Variants in USP34 observed in about 807,000 individuals in gnomAD.
The protein encoded by USP34 is ubiquitin specific peptidase 34.
Under a neutral mutation model 460.3 loss-of-function variants are expected in USP34, and 70 were observed. The ratio of observed to expected loss-of-function variants is 0.15; its 90% CI spans 0.13 to 0.19. The LOEUF (loss-of-function observed/expected upper bound fraction) is 0.19, where lower values mean the gene tolerates loss of function less well. Ranked by LOEUF, USP34 falls within the 10% of genes least tolerant of loss-of-function variation. The pLI is 1.00. For missense variants in USP34, 3,985 were observed against 4,236.2 expected (o/e 0.94, Z 1.65); for synonymous variants, 1,647 against 1,405.3 (o/e 1.17, Z -3.85).
chr2:61,308,044 G>C (rs1002904845), intron 27 of USP34, among the ~76,000 whole-genome samples: 2 of 151,738 alleles, frequency 1.3e-5, no homozygotes, highest in Admixed American at 1.3e-4. Context: ...GTGAGACCCT[G>C]TCTCAAAAAA....
At chr2:61,331,169 C>G (rs1691249375) in intron 20 of USP34, 107 bp downstream of exon 20, 2 of 920,902 alleles carry the variant, frequency 2.2e-6, no homozygotes, top group East Asian at 2.8e-5. Context: ...ATAAAGTTTT[C>G]TGTTACAATT....
At chr2:61,396,527 C>T (rs868663377) in intron 3 of USP34, among the ~76,000 whole-genome samples, 45 of 151,032 alleles carry the variant, frequency 3.0e-4, no homozygotes, top group African/African-American at 1.0e-3. Context: ...CTCGCACTGT[C>T]GCTCAGGCTG....
chr2:61,438,790 C>A (rs1344790212), intron 1 of USP34, among the ~76,000 whole-genome samples: 1 of 152,160 alleles, frequency 6.6e-6, no homozygotes, highest in Non-Finnish European at 1.5e-5. Context: ...ACTGCTCTTA[C>A]CCAACATACT....
intron 2 of USP34, among the ~76,000 whole-genome samples, chr2:61,415,468 A>G (rs1214060761): frequency 6.6e-6 from 1 of 152,210 alleles, no homozygotes; most frequent in African/African-American, 2.4e-5. Flanking sequence ...AATTGATGTA[A>G]CTATACTGAG....
chr2:61,305,598 A>G (rs1011146481), intron 27 of USP34, among the ~76,000 whole-genome samples: 2 of 152,106 alleles, frequency 1.3e-5, no homozygotes, highest in African/African-American at 2.4e-5. Context: ...AAGGTTAAGG[A>G]GAGAAGAAAA....
intron 72 of USP34, 23 bp from the exon 73 acceptor site, chr2:61,204,624 G>T (rs775367799): frequency 1.3e-6 from 2 of 1,595,486 alleles, no homozygotes; most frequent in Admixed American, 3.4e-5. Context: ...ACAAAGTTTG[G>T]GTAGCAAAAA....
intron 62 of USP34, among the ~76,000 whole-genome samples, chr2:61,225,612 A>G (rs550289504): frequency 1.3e-5 from 2 of 152,298 alleles, no homozygotes; most frequent in South Asian, 4.1e-4. Context: ...TTTATAGTCA[A>G]TTCTTGTATT....
At chr2:61,460,601 G>A (rs1695570123) in intron 1 of USP34, among the ~76,000 whole-genome samples, 2 of 152,126 alleles carry the variant, frequency 1.3e-5, no homozygotes, top group African/African-American at 4.8e-5. Context: ...TCCACTGGAA[G>A]TCTCAGAACA....
intron 53 of USP34, among the ~76,000 whole-genome samples, chr2:61,240,098 C>A (rs988103976): frequency 3.3e-5 from 5 of 150,458 alleles, no homozygotes; most frequent in African/African-American, 1.2e-4. Flanking sequence ...ATTGCCTAGA[C>A]AAATGCATAC....
chr2:61,416,283 A>G (rs1230246849), intron 2 of USP34, among the ~76,000 whole-genome samples: 2 of 152,210 alleles, frequency 1.3e-5, no homozygotes, highest in Non-Finnish European at 2.9e-5. Context: ...AAACTATTCT[A>G]AAAAACAAAA....
At chr2:61,235,077 G>C (rs187109463) in intron 57 of USP34, among the ~76,000 whole-genome samples, 42 of 151,900 alleles carry the variant, frequency 2.8e-4, no homozygotes, top group Non-Finnish European at 3.5e-4. Flanking sequence ...TTTGCTAAGG[G>C]AGGAGATCTT....
intron 21 of USP34, 65 bp from the exon 22 acceptor site, chr2:61,319,392 GCATGTGTATGTACAGTAAGTCCT>G (rs1401324588): frequency 8.1e-7 from 1 of 1,230,044 alleles, no homozygotes; most frequent in Non-Finnish European, 1.1e-6. Context: ...CTTCTCTTAG[GCATGTGTATGTACAGTAAGTCCT>G]CACTTAACAC....
At chr2:61,244,973 T>C (rs1180372721) in intron 51 of USP34, among the ~76,000 whole-genome samples, 1 of 152,124 alleles carries the variant, frequency 6.6e-6, no homozygotes, top group East Asian at 1.9e-4. Flanking sequence ...TCAACTCCCA[T>C]ACTACTAAGC....
rs1205363733 is a variant in USP34, at chr2:61,343,614, G to A, written c.2500+201C>T. Among the ~76,000 whole-genome samples the A allele has an allele frequency of 2.6e-5, 4 of 151,728 alleles. No homozygotes were observed. The East Asian group carries it at 7.7e-4, about 29-fold the overall frequency. On this transcript the variant is annotated intron_variant, in intron 16 of 79. Transcript: ENST00000398571. The stretch of plus-strand genomic sequence containing the variant: ...CCCCGCTGAATATCTCAATAGAACT[G>A]CAGGACTTATTTATATTCATGATGG...
Position 61,311,569 on chromosome 2 carries a change from C to G in USP34, c.3788G>C (p.Gly1263Ala). 1 of 1,608,678 alleles carries G rather than the reference C, an allele frequency of 6.2e-7. No homozygotes were observed. Among genetic ancestry groups the G allele is most frequent in the Non-Finnish European group, 8.5e-7 (1 of 1,178,132 alleles). ...AAACTCTCCTTTTCGGTTGCTTTGA[C>G]CAAACTCCTGAAGCTGAGCTTGTTG... is the stretch of plus-strand genomic sequence containing the variant. ...INQQAQLQEF[G>A]QSNRKGEFPG... The change falls in exon 27 of 80, where the codon GGT becomes GCT. Residue 1263 changes from glycine to alanine, a missense_variant. Physicochemically the swap from Gly to Ala is moderately conservative, Grantham distance 60. Transcript: ENST00000398571.
In USP34 at chr2:61,343,705, C is replaced by A; in HGVS notation, c.2500+110G>T. On this transcript the variant is annotated intron_variant, in intron 16 of 79. Transcript: ENST00000398571. The stretch of plus-strand genomic sequence containing the variant: ...AACTACCATATGTAAGTTATTTTGA[C>A]AAAAACATTTAAGTACCATAACCTT... The A allele has an allele frequency of 2.6e-6, 3 of 1,172,592 alleles. 1 individual carries two copies. The highest frequency in any genetic ancestry group is 3.2e-5 in the South Asian group (2 of 62,842). 72.6% of individuals were successfully genotyped at this position (1,172,592 alleles called of 1,614,324 possible).
intron 1 of USP34, among the ~76,000 whole-genome samples, chr2:61,459,763 C>T (rs926604104): frequency 8.3e-6 from 1 of 120,572 alleles, no homozygotes; most frequent in Non-Finnish European, 1.7e-5. Flanking sequence ...GGCTACAGAG[C>T]CAAAAAAAAA....
chr2:61,273,579 G>A (rs7583848), intron 41 of USP34, among the ~76,000 whole-genome samples: 4,612 of 152,202 alleles, frequency 0.03, 240 homozygotes, highest in African/African-American at 0.11. Context: ...TTAGCTGGGT[G>A]TGGTGCCAGG....
chr2:61,374,159 GAAAAAAAA>G (rs76561805), intron 8 of USP34, among the ~76,000 whole-genome samples: 9 of 117,702 alleles, frequency 7.6e-5, no homozygotes, highest in Non-Finnish European at 1.1e-4. Context: ...CCATCTCAGG[GAAAAAAAA>G]AAAAAAAAAA....
Sources: allele counts gnomAD v4.1 joint callset (sites outside exome capture counted in the v4.1 genomes callset), GRCh38; gene constraint gnomAD v4.1.1; transcripts MANE v1.5; gene names NCBI Gene and HGNC (gene_info 2026-07-23, HGNC 2026-07-21).